CPAP: variants seen among roughly 807,000 people sequenced by gnomAD.
CPAP encodes centrosomal P4.1-associated protein.
chr13:24,914,392 G>C, the CPAP span, among the ~76,000 whole-genome samples: 1 of 152,076 alleles, frequency 6.6e-6, no homozygotes, highest in African/African-American at 2.4e-5. Context: ...CTGAGATCCA[G>C]AGCCAGGCTT....
At chr13:24,889,502 T>A in the CPAP span, 1 of 821,928 alleles carries the variant, frequency 1.2e-6, no homozygotes, top group South Asian at 1.5e-5. Context: ...TGCTGTGGGT[T>A]TTGTTTATTC....
chr13:24,889,406 G>A, the CPAP span: 2 of 1,575,044 alleles, frequency 1.3e-6, no homozygotes, highest in Non-Finnish European at 1.7e-6. Flanking sequence ...GTGTTCTATA[G>A]TATAAGAGAT....
At chr13:24,902,810 T>C in the CPAP span, among the ~76,000 whole-genome samples, 2 of 152,208 alleles carry the variant, frequency 1.3e-5, no homozygotes, top group Admixed American at 6.5e-5. Context: ...GCTGGGAAAT[T>C]TGGGTGAATT....
the CPAP span, chr13:24,933,199 C>G: frequency 9.6e-6 from 12 of 1,248,190 alleles, no homozygotes; most frequent in Admixed American, 1.9e-4. Flanking sequence ...ACAACAGGGT[C>G]ATGGTTAGAA....
At chr13:24,929,796 C>T in the CPAP span, among the ~76,000 whole-genome samples, 1 of 151,086 alleles carries the variant, frequency 6.6e-6, no homozygotes, top group South Asian at 2.1e-4. Flanking sequence ...GGACTTTGTT[C>T]TTCATTCTTT....
At chr13:24,932,902 T>G in the CPAP span, 1 of 729,346 alleles carries the variant, frequency 1.4e-6, no homozygotes, top group East Asian at 2.5e-5. Context: ...ACAATGTTTC[T>G]TAAGGTAATG....
At chr13:24,907,890 TAACCTTAA>T in the CPAP span, 2 of 711,088 alleles carry the variant, frequency 2.8e-6, no homozygotes, top group Non-Finnish European at 5.0e-6. Flanking sequence ...GTTGTATCTT[TAACCTTAA>T]AAGCATAGTC....
the CPAP span, among the ~76,000 whole-genome samples, chr13:24,890,717 GCTTT>G: frequency 1.3e-5 from 2 of 152,110 alleles, no homozygotes; most frequent in Non-Finnish European, 2.9e-5. Flanking sequence ...ATGACCTCTG[GCTTT>G]CTGCATCTCC....
the CPAP span, chr13:24,911,976 T>C: frequency 6.2e-7 from 1 of 1,614,200 alleles, no homozygotes; most frequent in South Asian, 1.1e-5. Flanking sequence ...GACACCATGG[T>C]GAGCAGCTTC....
the CPAP span, among the ~76,000 whole-genome samples, chr13:24,898,707 G>A: frequency 6.6e-6 from 1 of 152,180 alleles, no homozygotes; most frequent in Non-Finnish European, 1.5e-5. Context: ...ATTGCTCAAG[G>A]ATGGCTGCAT....
chr13:24,885,661 G>T, the CPAP span: 1 of 1,611,674 alleles, frequency 6.2e-7, no homozygotes, highest in African/African-American at 1.3e-5. Context: ...GGATCTTCGA[G>T]GTGGATTGCC....
At chr13:24,919,769 T>C in the CPAP span, among the ~76,000 whole-genome samples, 1 of 151,540 alleles carries the variant, frequency 6.6e-6, no homozygotes, top group Admixed American at 6.6e-5. Flanking sequence ...CATTACTTTT[T>C]TTCTTTTTTT....
chr13:24,919,899 G>C, the CPAP span, among the ~76,000 whole-genome samples: 2 of 152,104 alleles, frequency 1.3e-5, no homozygotes, highest in Non-Finnish European at 2.9e-5. Context: ...GAGTAGCTGG[G>C]CCTACAGGTA....
At chr13:24,921,003 A>C in the CPAP span, among the ~76,000 whole-genome samples, 1 of 152,158 alleles carries the variant, frequency 6.6e-6, no homozygotes, top group Non-Finnish European at 1.5e-5. Flanking sequence ...GTCGTTATCC[A>C]GGAAAATGGG....
chr13:24,892,691 T>G, the CPAP span: 1 of 1,614,084 alleles, frequency 6.2e-7, no homozygotes, highest in African/African-American at 1.3e-5. Flanking sequence ...CTATGGCTTC[T>G]GCTCTCTTCC....
At chr13:24,887,617 CCT>C in the CPAP span, among the ~76,000 whole-genome samples, 1 of 152,120 alleles carries the variant, frequency 6.6e-6, no homozygotes, top group African/African-American at 2.4e-5. Flanking sequence ...CAGGGCTCCC[CCT>C]GATTCTACAT....
chr13:24,912,035 A>T, the CPAP span: 38 of 1,613,696 alleles, frequency 2.4e-5, no homozygotes, highest in Non-Finnish European at 3.2e-5. Context: ...TTGCCTCTTC[A>T]ATTGTTCCTG....
At chr13:24,892,834 C>A in the CPAP span, 4 of 1,612,204 alleles carry the variant, frequency 2.5e-6, no homozygotes, top group Non-Finnish European at 3.4e-6. Context: ...CTTTTCAAAT[C>A]TTCCCGTAAA....
chr13:24,932,196 G>C, the CPAP span, among the ~76,000 whole-genome samples: 5 of 152,224 alleles, frequency 3.3e-5, no homozygotes, highest in Non-Finnish European at 7.3e-5. Context: ...CACGGGACTC[G>C]GGAACCGCTA....
Sources: allele counts gnomAD v4.1 joint callset (sites outside exome capture counted in the v4.1 genomes callset), GRCh38; gene constraint gnomAD v4.1.1; transcripts MANE v1.5; gene names NCBI Gene and HGNC (gene_info 2026-07-23, HGNC 2026-07-21).